The following TAP2 variants were observed in gnomAD, a reference collection of about 807,000 sequenced individuals.
TAP2 encodes transporter 2, ATP binding cassette subfamily B member, also known as antigen peptide transporter 2.
In TAP2, 49 loss-of-function variants were observed where a neutral mutation model predicts 74.7. The observed-to-expected ratio is 0.66, with a 90% CI of 0.52 to 0.83. TAP2 has a LOEUF of 0.83. TAP2 is among the 40% of genes least tolerant of loss of function. The pLI is 0.00. For missense variants in TAP2, 739 were observed against 859.0 expected (o/e 0.86, Z 1.75); for synonymous variants, 306 against 368.4 (o/e 0.83, Z 1.94).
Position 32,835,164 on chromosome 6 carries a change from G to A in TAP2, c.935C>T (p.Thr312Ile). 1.2e-6 allele frequency: 2 copies of A among 1,612,670 alleles called. No individual in the cohort carries two copies. The highest frequency in any genetic ancestry group is 1.7e-6 in the Non-Finnish European group (2 of 1,180,036). The change falls in exon 5 of 12, where the codon ACC becomes ATC. Residue 312 changes from threonine to isoleucine, a missense_variant. By Grantham distance (89) the Thr-to-Ile change is moderately conservative (BLOSUM62 -1). Transcript: ENST00000374897. The surrounding 1 kb of genome is among the most constrained non-coding windows in gnomAD (Gnocchi z 4.0). The stretch of plus-strand genomic sequence containing the variant: ...TACATGCACGCTCACCTGATGGCGG[G>A]TGTTGTACACCTTCTCCGCTGCTAT... Reference protein sequence around the residue: ...FTIAAEKVYNTRHQEVLREIQ... With the variant: ...FTIAAEKVYNIRHQEVLREIQ...
In TAP2 at chr6:32,828,240, T is replaced by A; in HGVS notation, c.*666A>T. The A allele has an allele frequency of 2.0e-6, 2 of 976,926 alleles. No homozygotes were observed. The highest frequency in any genetic ancestry group is 2.4e-6 in the Non-Finnish European group (2 of 822,178). The allele number at this position is 976,926 out of a possible 1,614,324, so 60.5% of individuals were successfully genotyped here. On this transcript the variant is annotated 3_prime_UTR_variant, in exon 12 of 12. Coordinates refer to ENST00000374897, the MANE Select transcript of TAP2 (RefSeq NM_001290043.2). Reference sequence around the variant, plus strand: ...GAAAAACACTTAGCATAGCTCCTACTCCCATTAAAACTCTATAAATGGTAG... The same window carrying A: ...GAAAAACACTTAGCATAGCTCCTACACCCATTAAAACTCTATAAATGGTAG...
In TAP2 at chr6:32,827,180, T is replaced by A. The variant is rs1768706583; in HGVS notation, c.*1726A>T. 1.0e-6 allele frequency: 1 copy of A among 985,442 alleles called. No homozygotes were observed. The highest frequency in any genetic ancestry group is 1.7e-5 in the African/African-American group (1 of 57,222). 61.0% of individuals were successfully genotyped at this position (985,442 alleles called of 1,614,324 possible). A position where few individuals can be genotyped will look rare whatever the true frequency, so the allele number is the denominator to read the frequency against. On this transcript the variant is annotated 3_prime_UTR_variant, in exon 12 of 12. Coordinates refer to ENST00000374897, the MANE Select transcript of TAP2 (RefSeq NM_001290043.2). Reference sequence around the variant, plus strand: ...TGCCAGCACTGGAAACTACCTGCTGTTTCCAGGAATATGAAGGTTTCTCTT... The same window carrying A: ...TGCCAGCACTGGAAACTACCTGCTGATTCCAGGAATATGAAGGTTTCTCTT...
chr6:32,838,478 AAAAAAT>A (rs999774621), intron 1 of TAP2, among the ~76,000 whole-genome samples, 169 bp downstream of exon 1: 4 of 150,820 alleles, frequency 2.7e-5, no homozygotes, highest in African/African-American at 9.8e-5. Flanking sequence ...AAAAAAAAAA[AAAAAAT>A]CCCCGGACCC....
rs781718817 is a variant in TAP2, at chr6:32,835,633, C to T, written c.739+10G>A. 5.0e-6 allele frequency: 8 copies of T among 1,612,930 alleles called. No individual in the cohort carries two copies. Among genetic ancestry groups the T allele is most frequent in the Non-Finnish European group, 6.8e-6 (8 of 1,180,016 alleles). ...CCATGGGAATCTCAGACCTGGACTC[C>T]AGGCCCCACCTGTCTTAGTCTCCTG... On this transcript the variant is annotated intron_variant, in intron 4 of 11. Transcript: ENST00000374897. This position sits in a 1 kb window ranked among gnomAD's most constrained non-coding sequence, Gnocchi z 4.0.
Position 32,837,759 on chromosome 6 carries a change from G to A in TAP2, c.475C>T (p.Leu159Phe). Residue 159 changes from leucine to phenylalanine, a missense_variant, in exon 2 of 12, where the codon CTT (leucine) becomes TTT (phenylalanine). Transcript: ENST00000374897. ...GACTCACCCAAAACAGCAAGGACAA[G>A]GAAGAAGAAGGCGGCAACGAGGAGA... ...LPLLVAAFFF[L>F]VLAVLGETLI... 6.2e-7 allele frequency: 1 copy of A among 1,614,196 alleles called. No homozygotes were observed. Among genetic ancestry groups the A allele is most frequent in the Non-Finnish European group, 8.5e-7 (1 of 1,180,028 alleles).
intron 7 of TAP2, 27 bp from the exon 8 acceptor site, chr6:32,830,833 C>T (rs1451172077): frequency 6.9e-6 from 11 of 1,584,812 alleles, no homozygotes; most frequent in Admixed American, 1.8e-5. Flanking sequence ...GGAGAGCCGG[C>T]TAATTAAACA....
At chr6:32,830,898 A>C in intron 7 of TAP2, 92 bp from the exon 8 acceptor site, 1 of 1,082,934 alleles carries the variant, frequency 9.2e-7, no homozygotes, top group Non-Finnish European at 1.4e-6. Flanking sequence ...TCACAACTGC[A>C]CTGCTCCTCC....
chr6:32,822,257 A>T (rs759461224), downstream of TAP2: 1 of 1,496,122 alleles, frequency 6.7e-7, no homozygotes, highest in Non-Finnish European at 9.2e-7. Context: ...GTTCATTTGA[A>T]CTCATTATTC....
rs1769139148 is a variant in TAP2 at position 32,832,402 on chromosome 6, A to T, written c.1203T>A (p.Asp401Glu). ...GCAGGCTGCCCTGGGTGAGCTCCCC[A>T]TCCTGCATCTGCTGCAGCCCACAGC... ...MLSCGLQQMQ[D>E]GELTQGSLLS... Residue 401 changes from aspartate to glutamate, a missense_variant, in exon 7 of 12, where the codon GAT (aspartate) becomes GAA (glutamate). By Grantham distance (45) the Asp-to-Glu change is conservative. Coordinates refer to ENST00000374897, the MANE Select transcript of TAP2 (RefSeq NM_001290043.2). The surrounding 1 kb of genome is among the most constrained non-coding windows in gnomAD (Gnocchi z 5.9). The T allele has an allele frequency of 1.2e-6, 2 of 1,613,000 alleles. No individual in the cohort carries two copies. Among genetic ancestry groups the T allele is most frequent in the East Asian group, 4.5e-5 (2 of 44,888 alleles).
chr6:32,838,502 C>A (rs552089705), intron 1 of TAP2, among the ~76,000 whole-genome samples, 151 bp downstream of exon 1: 47 of 152,064 alleles, frequency 3.1e-4, no homozygotes, highest in African/African-American at 1.1e-3. Flanking sequence ...CCCCCACCCC[C>A]ACCCCCGCCT....
Position 32,829,311 on chromosome 6 carries a change from G to A in TAP2, c.1932+89C>T, listed in dbSNP as rs189334866. 324 of 1,537,970 alleles carry A rather than the reference G, an allele frequency of 2.1e-4. 2 individuals are homozygous for A. The African/African-American group carries it at 2.7e-3, about 13-fold the overall frequency. ...GACTGTTTCCACTAGTAGGTCCTTC[G>A]TCCTCCCTCTGCCCAATTCTGCACA... On this transcript the variant is annotated intron_variant, in intron 11 of 11. Transcript: ENST00000374897.
chr6:32,832,580 C>A lies in TAP2; in HGVS notation c.1143+47G>T. On this transcript the variant is annotated intron_variant, in intron 6 of 11. Coordinates refer to ENST00000374897, the MANE Select transcript of TAP2 (RefSeq NM_001290043.2). The surrounding 1 kb of genome is among the most constrained non-coding windows in gnomAD (Gnocchi z 5.9). ...CCAGCTGTAGTTTCCTCTTCCCTTGCCCTCCCCCTTTCCTGGGCTCCTTTC... is the reference window on the plus strand; with the variant it reads ...CCAGCTGTAGTTTCCTCTTCCCTTGACCTCCCCCTTTCCTGGGCTCCTTTC... 6.2e-7 allele frequency: 1 copy of A among 1,612,914 alleles called. No homozygotes were observed. Among genetic ancestry groups the A allele is most frequent in the Middle Eastern group, 1.6e-4 (1 of 6,062 alleles).
At chr6:32,833,047 T>A (rs1769194339) in intron 5 of TAP2, among the ~76,000 whole-genome samples, 2 of 152,230 alleles carry the variant, frequency 1.3e-5, no homozygotes, top group Non-Finnish European at 2.9e-5. Context: ...ACATGCAATT[T>A]TTTTAACCTT....
chr6:32,837,872 G>A lies in TAP2; in HGVS notation c.362C>T (p.Pro121Leu). 6.2e-7 allele frequency: 1 copy of A among 1,613,196 alleles called. No individual in the cohort carries two copies. The highest frequency in any genetic ancestry group is 8.5e-7 in the Non-Finnish European group (1 of 1,179,996). ...LSWSLWAVLSPPGAQEKEQDQ... is the reference protein window; with the variant it reads ...LSWSLWAVLSLPGAQEKEQDQ... ...CTGCTCCTTCTCCTGGGCTCCAGGA[G>A]GGCTCAGAACAGCCCACAGTGACCA... Residue 121 changes from proline to leucine, a missense_variant, in exon 2 of 12, where the codon CCT becomes CTT. Physicochemically the swap from Pro to Leu is moderately conservative, Grantham distance 98. Transcript: ENST00000374897.
chr6:32,830,349 T>G lies in TAP2; in HGVS notation c.1553A>C (p.Asn518Thr). Residue 518 changes from asparagine (N) to threonine (T), a missense_variant, in exon 9 of 12, where the codon AAT becomes ACT. Asn to Thr is a moderately conservative substitution (Grantham distance 65, BLOSUM62 0). Coordinates refer to ENST00000374897, the MANE Select transcript of TAP2 (RefSeq NM_001290043.2). ...CTGTCCCCCTGTGGGCTGGTACAGATTCTGCAGCAGGGCAGCCACTGTGCT... is the reference window on the plus strand; with the variant it reads ...CTGTCCCCCTGTGGGCTGGTACAGAGTCTGCAGCAGGGCAGCCACTGTGCT... ...GKSTVAALLQ[N>T]LYQPTGGQVL... 6.2e-7 allele frequency: 1 copy of G among 1,613,088 alleles called. No individual in the cohort carries two copies. The highest frequency in any genetic ancestry group is 8.5e-7 in the Non-Finnish European group (1 of 1,180,022).
intron 7 of TAP2, among the ~76,000 whole-genome samples, chr6:32,831,673 G>A (rs1402884047): frequency 6.6e-6 from 1 of 152,128 alleles, no homozygotes; most frequent in Admixed American, 6.5e-5. Flanking sequence ...AACTCCACAG[G>A]ACAAACAACC....
downstream of TAP2, among the ~76,000 whole-genome samples, chr6:32,823,844 T>C (rs896306641): frequency 1.3e-5 from 2 of 152,142 alleles, no homozygotes; most frequent in African/African-American, 4.8e-5. Flanking sequence ...GGAAGGTGTA[T>C]ATTTCAAGGT....
chr6:32,822,090 C>T (rs942202891), downstream of TAP2: 21 of 571,072 alleles, frequency 3.7e-5, no homozygotes, highest in Non-Finnish European at 6.3e-6. Flanking sequence ...CTTTGGGCTC[C>T]AATCTGCAGC....
At position 32,835,912 on chromosome 6, in the gene TAP2, T is replaced by C. The variant is rs1562336927; in HGVS notation, c.609-139A>G. On this transcript the variant is annotated intron_variant, in intron 3 of 11. Coordinates refer to ENST00000374897, the MANE Select transcript of TAP2 (RefSeq NM_001290043.2). The surrounding 1 kb of genome is among the most constrained non-coding windows in gnomAD (Gnocchi z 4.0). ...CCAGGAGGGGCAAAAGAGAAAGAAA[T>C]GAGAGACAGACACACAGAGAGAGAA... 3 of 1,027,368 alleles carry C rather than the reference T, an allele frequency of 2.9e-6. No individual in the cohort carries two copies. Among genetic ancestry groups the C allele is most frequent in the Admixed American group, 2.0e-5 (1 of 49,394 alleles). The allele number at this position is 1,027,368 out of a possible 1,614,324, so 63.6% of individuals were successfully genotyped here. A position where few individuals can be genotyped will look rare whatever the true frequency, so the allele number is the denominator to read the frequency against.
Sources: allele counts gnomAD v4.1 joint callset (sites outside exome capture counted in the v4.1 genomes callset), GRCh38; gene constraint gnomAD v4.1.1; non-coding constraint Gnocchi (gnomAD v3.1); transcripts MANE v1.5; gene names NCBI Gene and HGNC (gene_info 2026-07-23, HGNC 2026-07-21).